Variants in CEP83 observed in about 807,000 individuals in gnomAD.
CEP83 encodes centrosomal protein of 83 kDa.
A neutral mutation model predicts 101.9 loss-of-function variants in CEP83; 70 were observed. The ratio of observed to expected loss-of-function variants is 0.69; its 90% CI spans 0.57 to 0.84. The LOEUF is 0.84. CEP83 is among the 40% of genes least tolerant of loss of function. CEP83 has a pLI of 0.00. For synonymous variants in CEP83, 264 were observed against 267.9 expected (o/e 0.99, Z 0.14); for missense variants, 715 against 787.2 (o/e 0.91, Z 1.10).
At chr12:94,306,714 AAATATGAATTTGTCTTAAAGGC>A (rs1969059063), downstream of CEP83, 1 of 152,242 alleles carries the variant, frequency 6.6e-6, no homozygotes, top group African/African-American at 2.4e-5. Flanking sequence ...ATTAGGATTT[AAATATGAATTTGTCTTAAAGGC>A]AATTCCTTTT....
chr12:94,381,373 C>A (rs1566039482), intron 6 of CEP83, among the ~76,000 whole-genome samples: 1 of 152,132 alleles, frequency 6.6e-6, no homozygotes, highest in Non-Finnish European at 1.5e-5. Context: ...ATTGCAGCTA[C>A]CTCTACATTT....
At chr12:94,328,833 G>A (rs1188742459) in intron 14 of CEP83, among the ~76,000 whole-genome samples, 1 of 152,180 alleles carries the variant, frequency 6.6e-6, no homozygotes, top group Non-Finnish European at 1.5e-5. Context: ...ACAGAAACAT[G>A]TAGATTTTAG....
At chr12:94,359,536 T>C (rs1464098403) in intron 11 of CEP83, among the ~76,000 whole-genome samples, 2 of 151,726 alleles carry the variant, frequency 1.3e-5, no homozygotes, top group Admixed American at 6.6e-5. Context: ...CTAGAGAAAA[T>C]GGATAAATTG....
intron 11 of CEP83, among the ~76,000 whole-genome samples, chr12:94,338,739 T>C (rs1424058231): frequency 6.6e-6 from 1 of 152,144 alleles, no homozygotes; most frequent in Non-Finnish European, 1.5e-5. Flanking sequence ...GATCAAGTAC[T>C]TTATACTTTT....
At chr12:94,337,468 T>A (rs181698470) in intron 11 of CEP83, among the ~76,000 whole-genome samples, 282 of 152,288 alleles carry the variant, frequency 1.9e-3, no homozygotes, top group Middle Eastern at 3.4e-3. Flanking sequence ...TAATGAATCT[T>A]AAGATAAATA....
chr12:94,430,313 T>G (rs191345136), intron 2 of CEP83, among the ~76,000 whole-genome samples: 1 of 151,802 alleles, frequency 6.6e-6, no homozygotes, highest in African/African-American at 2.4e-5. Context: ...ATTTAAAATA[T>G]TGATTTTAAA....
intron 6 of CEP83, among the ~76,000 whole-genome samples, chr12:94,387,904 A>T (rs562479231): frequency 6.6e-6 from 1 of 152,058 alleles, no homozygotes; most frequent in Non-Finnish European, 1.5e-5. Context: ...CAGTCAGAAT[A>T]GCTATTACTA....
intron 14 of CEP83, chr12:94,328,230 T>A (rs1277367916): frequency 3.3e-6 from 1 of 304,612 alleles, no homozygotes; most frequent in South Asian, 2.8e-5. Flanking sequence ...AGATCTCTCT[T>A]CAATGGGGGT....
chr12:94,395,417 T>G (rs1223109118), intron 6 of CEP83, among the ~76,000 whole-genome samples: 4 of 152,326 alleles, frequency 2.6e-5, no homozygotes, highest in African/African-American at 7.2e-5. Context: ...TTTTTCCCTT[T>G]TATGTACTAT....
At chr12:94,374,279 C>A (rs1593505041) in intron 8 of CEP83, among the ~76,000 whole-genome samples, 1 of 152,102 alleles carries the variant, frequency 6.6e-6, no homozygotes, top group Non-Finnish European at 1.5e-5. Context: ...GTGGCCCCCC[C>A]AAGAGAGAAG....
the CEP83 span, chr12:94,297,157 C>G: frequency 6.2e-7 from 1 of 1,612,018 alleles, no homozygotes; most frequent in Non-Finnish European, 8.5e-7. Context: ...TTTTAATGGA[C>G]TGCTTTCTCT....
At chr12:94,394,527 A>G (rs890906076) in intron 6 of CEP83, among the ~76,000 whole-genome samples, 3 of 152,230 alleles carry the variant, frequency 2.0e-5, no homozygotes, top group Non-Finnish European at 4.4e-5. Context: ...AAACCCTAGA[A>G]GAAAACCTAG....
chr12:94,409,720 G>C (rs1188075668), intron 4 of CEP83, among the ~76,000 whole-genome samples: 2 of 152,114 alleles, frequency 1.3e-5, no homozygotes, highest in Non-Finnish European at 2.9e-5. Flanking sequence ...TGTGTTGACA[G>C]GCCTTGCTCC....
intron 16 of CEP83, 129 bp from the exon 17 acceptor site, chr12:94,309,046 T>C: frequency 1.6e-6 from 1 of 621,396 alleles, no homozygotes; most frequent in Non-Finnish European, 2.8e-6. Flanking sequence ...TGTAGCAGTC[T>C]AAAAACAGTA....
chr12:94,415,399 T>C (rs1293306644), intron 2 of CEP83, among the ~76,000 whole-genome samples: 1 of 152,106 alleles, frequency 6.6e-6, no homozygotes, highest in Admixed American at 6.5e-5. Flanking sequence ...ATGAAAGAAA[T>C]TTTATTTGTG....
chr12:94,376,109 T>A, intron 7 of CEP83, 92 bp from the exon 8 acceptor site: 1 of 798,634 alleles, frequency 1.3e-6, no homozygotes. Flanking sequence ...ATAATTATAC[T>A]AAAATTATTC....
At chr12:94,325,218 C>A (rs1037317485) in intron 14 of CEP83, among the ~76,000 whole-genome samples, 2 of 150,734 alleles carry the variant, frequency 1.3e-5, no homozygotes, top group Non-Finnish European at 2.9e-5. Flanking sequence ...GCTGCCCAGG[C>A]TGGAATGTGC....
At chr12:94,315,481 G>A (rs945650896) in intron 14 of CEP83, among the ~76,000 whole-genome samples, 20 of 151,934 alleles carry the variant, frequency 1.3e-4, no homozygotes, top group African/African-American at 4.1e-4. Flanking sequence ...GATATGAATC[G>A]TATGTCAGAT....
chr12:94,279,441 T>A, the CEP83 span: 1 of 1,585,654 alleles, frequency 6.3e-7, no homozygotes, highest in Non-Finnish European at 8.6e-7. Context: ...AATTATCTAA[T>A]AGACTTGGAA....
Sources: gnomAD v4.1 joint callset for allele counts (sites outside exome capture counted in the v4.1 genomes callset) on GRCh38, gnomAD v4.1.1 for gene constraint, MANE v1.5 for transcripts, NCBI Gene and HGNC (gene_info 2026-07-23, HGNC 2026-07-21) for gene names.